Variants in FNBP1 observed in about 807,000 individuals in gnomAD.
FNBP1 encodes formin-binding protein 1.
A neutral mutation model predicts 90.6 loss-of-function variants in FNBP1; 26 were observed. The observed-to-expected ratio is 0.29, with a 90% confidence interval of 0.21 to 0.40. The LOEUF (loss-of-function observed/expected upper bound fraction) is 0.40. Ranked by LOEUF, FNBP1 falls within the 10% of genes least tolerant of loss-of-function variation. FNBP1 has a pLI of 1.00. For missense variants in FNBP1, 635 were observed against 768.0 expected, an observed-to-expected ratio of 0.83 and a Z score of 2.05; for synonymous variants, 260 against 265.2, an observed-to-expected ratio of 0.98 and a Z score of 0.19.
chr9:130,010,936 A>T (rs1443977902), intron 1 of FNBP1, among the ~76,000 whole-genome samples: 1 of 151,702 alleles, frequency 6.6e-6, no homozygotes, highest in Non-Finnish European at 1.5e-5. Context: ...TGCAGGGCTC[A>T]AGATAGACAT....
At chr9:130,014,239 C>T (rs1239798355) in intron 1 of FNBP1, among the ~76,000 whole-genome samples, 2 of 150,008 alleles carry the variant, frequency 1.3e-5, no homozygotes, top group Non-Finnish European at 1.5e-5. Context: ...TTTCTTATTT[C>T]TTTCTTTCTT....
chr9:129,910,739 C>T (rs1397135091), intron 11 of FNBP1, among the ~76,000 whole-genome samples: 2 of 151,932 alleles, frequency 1.3e-5, no homozygotes, highest in African/African-American at 4.8e-5. Flanking sequence ...GGGTGATGTG[C>T]TGGGAAGTGT....
rs377375774 is a variant in FNBP1 at position 129,924,939 on chromosome 9, T to C, written c.987+21A>G. The C allele has an allele frequency of 2.1e-5, 33 of 1,591,116 alleles. No homozygotes were observed. In the Middle Eastern group the frequency reaches 6.7e-4, roughly 32 times the overall value. ...AAATCTCCACACCTTAGAAAACTCA[T>C]TTCACGCCAACCATCAGTACCTTAT... On this transcript the variant is annotated intron_variant, in intron 9 of 16. Transcript: ENST00000446176.
At chr9:129,954,697 G>A (rs918030331) in intron 6 of FNBP1, among the ~76,000 whole-genome samples, 2 of 152,116 alleles carry the variant, frequency 1.3e-5, no homozygotes, top group African/African-American at 4.8e-5. Context: ...CCAATAAAGG[G>A]TATATTAAAA....
At chr9:130,007,613 T>G (rs1390611339) in intron 1 of FNBP1, among the ~76,000 whole-genome samples, 1 of 152,192 alleles carries the variant, frequency 6.6e-6, no homozygotes, top group African/African-American at 2.4e-5. Context: ...TTAGAACACC[T>G]TAGTCACTTT....
chr9:129,909,876 C>T lies in FNBP1; in HGVS notation c.1186-877G>A, dbSNP rs575803320. ...CTGGGATTACAGGCATGAGCCGCCG[C>T]GCCCAGCCTAGTGACTTCTTTTAGG... On this transcript the variant is annotated intron_variant, in intron 11 of 16. Transcript: ENST00000446176. Among the ~76,000 whole-genome samples, 12 of 152,300 alleles carry T rather than the reference C, an allele frequency of 7.9e-5. No homozygotes were observed. In the South Asian group the frequency reaches 2.1e-3, roughly 26 times the overall value.
chr9:129,945,863 A>C (rs1411670406), intron 6 of FNBP1, among the ~76,000 whole-genome samples: 1 of 152,212 alleles, frequency 6.6e-6, no homozygotes, highest in Non-Finnish European at 1.5e-5. Flanking sequence ...TATAGAATAT[A>C]TAACACATTA....
chr9:129,998,320 G>T (rs529795222), intron 1 of FNBP1, among the ~76,000 whole-genome samples: 2 of 151,770 alleles, frequency 1.3e-5, no homozygotes, highest in Non-Finnish European at 1.5e-5. Flanking sequence ...TCTGAGACTA[G>T]CCTGGCCAAC....
intron 2 of FNBP1, among the ~76,000 whole-genome samples, chr9:129,991,231 T>G (rs1203464624): frequency 6.6e-6 from 1 of 151,568 alleles, no homozygotes; most frequent in Non-Finnish European, 1.5e-5. Context: ...AGGATGCAGC[T>G]ACCCTCAGGT....
At chr9:129,978,028 T>C (rs971282224) in intron 4 of FNBP1, among the ~76,000 whole-genome samples, 4 of 151,902 alleles carry the variant, frequency 2.6e-5, no homozygotes, top group African/African-American at 4.8e-5. Context: ...TTTCTTTTTT[T>C]TTTTCTTTTT....
At chr9:129,892,669 G>A (rs759875822) in intron 16 of FNBP1, among the ~76,000 whole-genome samples, 1 of 152,154 alleles carries the variant, frequency 6.6e-6, no homozygotes, top group Non-Finnish European at 1.5e-5. Flanking sequence ...ACAGACAACT[G>A]CTAGAAGATA....
At chr9:129,965,838 A>G (rs1201560318) in intron 4 of FNBP1, among the ~76,000 whole-genome samples, 1 of 151,448 alleles carries the variant, frequency 6.6e-6, no homozygotes, top group Non-Finnish European at 1.5e-5. Flanking sequence ...GAAGGAAGGA[A>G]GGAAGGAAGG....
At position 129,929,639 on chromosome 9, in the gene FNBP1, G is replaced by A; in HGVS notation, c.570C>T (p.Tyr190=). The A allele has an allele frequency of 1.2e-6, 2 of 1,613,856 alleles. No individual in the cohort carries two copies. The highest frequency in any genetic ancestry group is 1.7e-6 in the Non-Finnish European group (2 of 1,179,778). ...HQMAEDSKAD[Y]SSILQKFNHE... ...GGTTGAATTTCTGGAGAATGGATGA[G>A]TAATCTGCTTTGCTGTCCTCTGCCA... is the stretch of plus-strand genomic sequence containing the variant. The change falls in exon 7 of 17, where the codon TAC becomes TAT. Residue 190 remains tyrosine (Y), a synonymous_variant. Coordinates refer to ENST00000446176, the MANE Select transcript of FNBP1 (RefSeq NM_015033.3).
chr9:130,038,499 G>C (rs532754873), intron 1 of FNBP1, among the ~76,000 whole-genome samples: 40 of 147,164 alleles, frequency 2.7e-4, no homozygotes, highest in Non-Finnish European at 5.2e-4. Context: ...CCGGGTTCAA[G>C]CGATTCTCCG....
At chr9:130,038,399 CTTT>C (rs796531911) in intron 1 of FNBP1, among the ~76,000 whole-genome samples, 7 of 108,528 alleles carry the variant, frequency 6.4e-5, no homozygotes, top group Non-Finnish European at 7.3e-5. Flanking sequence ...ACAGGTGGCT[CTTT>C]TTTTTTTTTT....
the FNBP1 span, among the ~76,000 whole-genome samples, chr9:130,049,376 C>A: frequency 5.9e-5 from 9 of 151,792 alleles, no homozygotes; most frequent in Non-Finnish European, 1.2e-4. Context: ...GAGACCCTGT[C>A]TCAAAAATCA....
chr9:129,896,431 C>G (rs2131221048), intron 15 of FNBP1, among the ~76,000 whole-genome samples: 1 of 151,836 alleles, frequency 6.6e-6, no homozygotes, highest in Admixed American at 6.6e-5. Flanking sequence ...TTGCCCAGGC[C>G]AGAGTGCTGT....
intron 6 of FNBP1, among the ~76,000 whole-genome samples, chr9:129,956,145 G>T (rs2046907373): frequency 6.6e-6 from 1 of 152,074 alleles, no homozygotes; most frequent in Non-Finnish European, 1.5e-5. Flanking sequence ...GAGTCTAGGG[G>T]TATGTGCCAC....
intron 2 of FNBP1, among the ~76,000 whole-genome samples, chr9:129,981,050 CAAAAA>C (rs71385498): frequency 5.8e-5 from 7 of 120,488 alleles, no homozygotes; most frequent in Non-Finnish European, 3.5e-5. Flanking sequence ...GACTCCGTCT[CAAAAA>C]AAAAAAAAAA....
Sources: gnomAD v4.1 joint callset for allele counts (sites outside exome capture counted in the v4.1 genomes callset) on GRCh38, gnomAD v4.1.1 for gene constraint, MANE v1.5 for transcripts, NCBI Gene and HGNC (gene_info 2026-07-23, HGNC 2026-07-21) for gene names.